Variants in ZNF423 observed in about 807,000 individuals in gnomAD.
The protein encoded by ZNF423 is Ebf-associated zinc finger protein.
A neutral mutation model predicts 95.8 loss-of-function variants in ZNF423; 12 were observed. The observed-to-expected ratio is 0.13, with a 90% CI of 0.08 to 0.20. ZNF423 has a LOEUF of 0.20. ZNF423 is among the 10% of genes least tolerant of loss of function. ZNF423 has a pLI of 1.00. For missense variants in ZNF423, 1,316 were observed against 1,737.1 expected, an observed-to-expected ratio of 0.76 and a Z score of 4.31; for synonymous variants, 749 against 711.9, an observed-to-expected ratio of 1.05 and a Z score of -0.83.
intron 7 of ZNF423, among the ~76,000 whole-genome samples, chr16:49,520,274 G>T (rs11076486): frequency 0.6 from 91,480 of 152,094 alleles, 28,346 homozygotes; most frequent in African/African-American, 0.75. Flanking sequence ...CTAATTATTC[G>T]GTTGTGAATT....
chr16:49,639,051 G>A (rs1212773992), intron 3 of ZNF423, among the ~76,000 whole-genome samples, 177 bp from the exon 4 acceptor site: 2 of 152,242 alleles, frequency 1.3e-5, no homozygotes, highest in Admixed American at 1.3e-4. Context: ...CTTCCTGTCT[G>A]CAGAGGGCAC....
chr16:49,789,603 G>GTT (rs1468655009), intron 1 of ZNF423, 57 bp from the exon 2 acceptor site: 12 of 1,556,760 alleles, frequency 7.7e-6, no homozygotes, highest in Non-Finnish European at 1.0e-5. Flanking sequence ...AATAGATCAG[G>GTT]TAAGGCACAG....
At chr16:49,596,264 G>T (rs1971175983) in intron 5 of ZNF423, among the ~76,000 whole-genome samples, 1 of 152,180 alleles carries the variant, frequency 6.6e-6, no homozygotes, top group African/African-American at 2.4e-5. Context: ...TGTCAAAGGA[G>T]CACGGGCTTT....
rs371139396 is a variant in ZNF423 at position 49,637,031 on chromosome 16, C to T, written c.2145G>A (p.Leu715=). The change falls in exon 4 of 8, where the codon CTG becomes CTA. Residue 715 remains leucine, a synonymous_variant. Coordinates refer to ENST00000563137, the MANE Select transcript of ZNF423 (RefSeq NM_001379286.1). The surrounding 1 kb of genome is among the most constrained non-coding windows in gnomAD (Gnocchi z 5.6). ...TGTGCATGTCCAGCAGGTGCTTCTG[C>T]AGGTCATCCACCGAGGAAAATTGCT... ...CDKQFSSVDD[L]QKHLLDMHTF... 8.7e-6 allele frequency: 14 copies of T among 1,613,842 alleles called. No individual in the cohort carries two copies. The highest frequency in any genetic ancestry group is 5.0e-5 in the Admixed American group (3 of 60,010).
chr16:49,549,237 A>G (rs1159452295), intron 5 of ZNF423, among the ~76,000 whole-genome samples: 2 of 151,946 alleles, frequency 1.3e-5, no homozygotes, highest in Non-Finnish European at 1.5e-5. Flanking sequence ...GGCAGGAGAG[A>G]TGGTCTCGGG....
intron 2 of ZNF423, among the ~76,000 whole-genome samples, chr16:49,760,985 C>T (rs574919867): frequency 6.1e-4 from 93 of 151,640 alleles, no homozygotes; most frequent in African/African-American, 2.2e-3. Context: ...TATGCATATA[C>T]GCACACACGC....
chr16:49,505,422 T>A (rs1028915301), intron 7 of ZNF423, among the ~76,000 whole-genome samples: 1 of 152,192 alleles, frequency 6.6e-6, no homozygotes, highest in East Asian at 1.9e-4. Context: ...TTCTAGAAAA[T>A]TAAGTCCTAC....
chr16:49,638,418 T>G lies in ZNF423; in HGVS notation c.758A>C (p.Lys253Thr). 6.2e-7 allele frequency: 1 copy of G among 1,613,948 alleles called. No homozygotes were observed. The highest frequency in any genetic ancestry group is 8.5e-7 in the Non-Finnish European group (1 of 1,180,028). ...CTTGGCCAGATGCTCCTTGTTCTTT[T>G]TGTGGGCCTGCATGTGGCTCTGCAG... ...SSLQSHMQAH[K>T]KNKEHLAKSE... The change falls in exon 4 of 8, where the codon AAA becomes ACA. Residue 253 changes from lysine (K) to threonine (T), a missense_variant. Around this residue, in one of 6 missense-constraint regions of ZNF423, gnomAD observed 399 missense variants for 478.5 expected, o/e 0.83. Transcript: ENST00000563137. The surrounding 1 kb of genome is among the most constrained non-coding windows in gnomAD (Gnocchi z 5.6).
chr16:49,517,932 G>T lies in ZNF423; in HGVS notation c.3849+5692C>A, dbSNP rs560902285. 1.6e-3 allele frequency: 722 copies of T among 453,626 alleles called. 2 individuals carry two copies. Among genetic ancestry groups the T allele is most frequent in the Non-Finnish European group, 2.8e-3 (638 of 226,490 alleles). The allele number at this position is 453,626 out of a possible 1,614,324, so 28.1% of individuals were successfully genotyped here. ...AAGGTAAAAAAGAAATGTAGAAACT[G>T]ATCAAAAGACCATTGTTTTTAGGAG... On this transcript the variant is annotated intron_variant, in intron 7 of 7. Coordinates refer to ENST00000563137, the MANE Select transcript of ZNF423 (RefSeq NM_001379286.1).
chr16:49,499,051 C>A (rs1194450727), intron 7 of ZNF423, among the ~76,000 whole-genome samples: 1 of 152,206 alleles, frequency 6.6e-6, no homozygotes, highest in Non-Finnish European at 1.5e-5. Context: ...CAGGCTATGA[C>A]GTGGACACAC....
At chr16:49,564,201 T>C (rs954532728) in intron 5 of ZNF423, among the ~76,000 whole-genome samples, 1 of 152,258 alleles carries the variant, frequency 6.6e-6, no homozygotes, top group Non-Finnish European at 1.5e-5. Flanking sequence ...TATGGCCATA[T>C]ATTGTACTAT....
chr16:49,647,398 T>C (rs1028130238), intron 3 of ZNF423, among the ~76,000 whole-genome samples: 1 of 152,198 alleles, frequency 6.6e-6, no homozygotes, highest in Non-Finnish European at 1.5e-5. Context: ...ACCCCAAAGA[T>C]GTCCAAGTCT....
At chr16:49,723,862 T>C (rs1222664272) in intron 3 of ZNF423, among the ~76,000 whole-genome samples, 1 of 152,126 alleles carries the variant, frequency 6.6e-6, no homozygotes, top group Non-Finnish European at 1.5e-5. Context: ...TCTCATACAC[T>C]AGATTTCCAG....
chr16:49,725,626 C>A (rs1481940803), intron 3 of ZNF423, among the ~76,000 whole-genome samples: 2 of 152,144 alleles, frequency 1.3e-5, no homozygotes, highest in East Asian at 3.8e-4. Context: ...GATGGGTGCT[C>A]TGGACTGTGT....
chr16:49,830,002 G>A (rs1271002542), intron 1 of ZNF423, among the ~76,000 whole-genome samples: 5 of 152,150 alleles, frequency 3.3e-5, no homozygotes, highest in African/African-American at 7.2e-5. Context: ...GCCCCTGTCC[G>A]GGGACAGTCG....
At chr16:49,703,871 T>A (rs2032270173) in intron 3 of ZNF423, among the ~76,000 whole-genome samples, 1 of 151,424 alleles carries the variant, frequency 6.6e-6, no homozygotes, top group East Asian at 1.9e-4. Context: ...CACCAGCTTG[T>A]GCCCAGCCCA....
chr16:49,846,299 C>CAA (rs11338195), intron 1 of ZNF423, among the ~76,000 whole-genome samples: 82 of 76,186 alleles, frequency 1.1e-3, no homozygotes, highest in East Asian at 1.7e-3. Flanking sequence ...GACTCTGTCT[C>CAA]AAAAAAAAAA....
chr16:49,622,914 T>G (rs1250169998), intron 5 of ZNF423, among the ~76,000 whole-genome samples: 4 of 152,168 alleles, frequency 2.6e-5, no homozygotes, highest in African/African-American at 9.7e-5. Flanking sequence ...GTGTCTTCTA[T>G]GGGATGATCT....
intron 1 of ZNF423, among the ~76,000 whole-genome samples, chr16:49,795,169 G>A (rs910530175): frequency 6.6e-5 from 10 of 152,166 alleles, no homozygotes; most frequent in African/African-American, 2.4e-4. Flanking sequence ...ACTGCACCCG[G>A]CCCAAATTTT....
Sources: allele counts gnomAD v4.1 joint callset (sites outside exome capture counted in the v4.1 genomes callset), GRCh38; gene constraint gnomAD v4.1.1; regional missense constraint gnomAD v4.1.1; non-coding constraint Gnocchi (gnomAD v3.1); transcripts MANE v1.5; gene names NCBI Gene and HGNC (gene_info 2026-07-23, HGNC 2026-07-21).